MVB12B: variants seen among roughly 807,000 people sequenced by gnomAD.
The protein encoded by MVB12B is ESCRT-I complex subunit MVB12B.
Under a neutral mutation model 41.6 loss-of-function variants are expected in MVB12B, and 16 were observed. That is an observed-to-expected ratio of 0.38 (90% confidence interval 0.26 to 0.58). MVB12B has a LOEUF of 0.58. Ranked by LOEUF, MVB12B falls within the 20% of genes least tolerant of loss-of-function variation. The pLI, the probability that MVB12B is intolerant of heterozygous loss-of-function variation, is 0.62. For missense variants in MVB12B, 274 were observed against 380.2 expected, an observed-to-expected ratio of 0.72 and a Z score of 2.32; for synonymous variants, 133 against 139.7, an observed-to-expected ratio of 0.95 and a Z score of 0.34.
chr9:126,377,419 G>A (rs917196321), intron 2 of MVB12B, among the ~76,000 whole-genome samples: 1 of 152,204 alleles, frequency 6.6e-6, no homozygotes, highest in Non-Finnish European at 1.5e-5. Flanking sequence ...AGAGTAGGTG[G>A]CCTCAGTGCT....
intron 2 of MVB12B, among the ~76,000 whole-genome samples, chr9:126,346,516 T>G (rs948873151): frequency 5.3e-5 from 8 of 151,958 alleles, no homozygotes; most frequent in African/African-American, 1.7e-4. Flanking sequence ...TTGGGTCAGT[T>G]TTGAACACCT....
At chr9:126,460,109 G>C (rs912757331) in intron 7 of MVB12B, among the ~76,000 whole-genome samples, 2 of 152,152 alleles carry the variant, frequency 1.3e-5, no homozygotes, top group South Asian at 2.1e-4. Flanking sequence ...TCAGTTGACT[G>C]TGTGCTCCCT....
intron 4 of MVB12B, among the ~76,000 whole-genome samples, chr9:126,390,629 A>G (rs1321301300): frequency 1.3e-5 from 2 of 152,246 alleles, no homozygotes; most frequent in Non-Finnish European, 2.9e-5. Flanking sequence ...TTGATGAAGG[A>G]AAGTTATTTT....
chr9:126,464,940 G>T (rs1833167960), intron 7 of MVB12B, among the ~76,000 whole-genome samples: 1 of 152,186 alleles, frequency 6.6e-6, no homozygotes, highest in African/African-American at 2.4e-5. Context: ...GGCGTGCTTT[G>T]CTTCCCTTAG....
chr9:126,350,038 G>A (rs561835233), intron 2 of MVB12B, among the ~76,000 whole-genome samples: 38 of 152,292 alleles, frequency 2.5e-4, no homozygotes, highest in Admixed American at 9.2e-4. Context: ...ATTCTGACAC[G>A]TGCATAGTGA....
intron 2 of MVB12B, among the ~76,000 whole-genome samples, chr9:126,373,115 G>A (rs11788924): frequency 0.17 from 26,241 of 152,058 alleles, 2,372 homozygotes; most frequent in Middle Eastern, 0.22. Context: ...TCAGGGAACA[G>A]GTTTATGTTT....
chr9:126,338,503 C>T (rs910734907), intron 1 of MVB12B, among the ~76,000 whole-genome samples: 1 of 151,858 alleles, frequency 6.6e-6, no homozygotes, highest in African/African-American at 2.4e-5. Flanking sequence ...TGCTTACCCC[C>T]ACTTCTCTCT....
intron 3 of MVB12B, among the ~76,000 whole-genome samples, chr9:126,383,565 A>G (rs887162417): frequency 2.6e-5 from 4 of 152,236 alleles, no homozygotes; most frequent in African/African-American, 9.6e-5. Flanking sequence ...ACTAGCAAAT[A>G]CTGGCTACCA....
At chr9:126,502,864 G>A (rs774940849) in intron 9 of MVB12B, among the ~76,000 whole-genome samples, 15 of 152,304 alleles carry the variant, frequency 9.8e-5, no homozygotes, top group East Asian at 3.9e-4. Flanking sequence ...GCAGATGGGC[G>A]GCACCGTGGT....
chr9:126,493,126 CTGTT>C (rs934048968), intron 9 of MVB12B, among the ~76,000 whole-genome samples: 5 of 152,122 alleles, frequency 3.3e-5, no homozygotes, highest in Non-Finnish European at 7.4e-5. Context: ...GCAATTTTCT[CTGTT>C]TATTTGGGCT....
chr9:126,357,533 T>C (rs1239462244), intron 2 of MVB12B, among the ~76,000 whole-genome samples: 1 of 152,212 alleles, frequency 6.6e-6, no homozygotes, highest in Non-Finnish European at 1.5e-5. Flanking sequence ...TCTTTTAATC[T>C]TAACCATTCT....
chr9:126,461,318 C>G (rs997319473), intron 7 of MVB12B, among the ~76,000 whole-genome samples: 2 of 152,034 alleles, frequency 1.3e-5, no homozygotes, highest in African/African-American at 4.8e-5. Flanking sequence ...GAGGAGCTTG[C>G]GTAGATTCCC....
At position 126,503,383 on chromosome 9, in the gene MVB12B, G is replaced by A; in HGVS notation, c.*120G>A. Reference sequence around the variant, plus strand: ...CTCCCTCCCACACTGCCCCAGCAGGGCTGGCCCGGAGACTGGGCAGCTAAG... The same window carrying A: ...CTCCCTCCCACACTGCCCCAGCAGGACTGGCCCGGAGACTGGGCAGCTAAG... On this transcript the variant is annotated 3_prime_UTR_variant, in exon 10 of 10. Coordinates refer to ENST00000361171, the MANE Select transcript of MVB12B (RefSeq NM_033446.3). 1.2e-6 allele frequency: 1 copy of A among 817,144 alleles called. No individual in the cohort carries two copies. The highest frequency in any genetic ancestry group is 1.9e-6 in the Non-Finnish European group (1 of 524,068). 50.6% of individuals were successfully genotyped at this position (817,144 alleles called of 1,614,324 possible).
In MVB12B at chr9:126,505,680, ATATGTG is replaced by A. The variant is rs1834054286; in HGVS notation, c.*2419_*2424del. 3.0e-5 allele frequency: 3 copies of A among 99,242 alleles called. No individual in the cohort carries two copies. The highest frequency in any genetic ancestry group is 2.7e-4 in the South Asian group (1 of 3,656). The allele number at this position is 99,242 out of a possible 1,614,324, so 6.1% of individuals were successfully genotyped here. ...TGTGTGTGTGTGTGTGTGTGTGTGT[ATATGTG>A]TGTGTGTGCACGCACATGCGTGTGT... On this transcript the variant is annotated 3_prime_UTR_variant, in exon 10 of 10. Transcript: ENST00000361171.
chr9:126,503,338 T>C lies in MVB12B; in HGVS notation c.*75T>C, dbSNP rs573769717. The C allele has an allele frequency of 2.5e-6, 3 of 1,212,956 alleles. No homozygotes were observed. The highest frequency in any genetic ancestry group is 2.3e-6 in the Non-Finnish European group (2 of 859,084). The allele number at this position is 1,212,956 out of a possible 1,614,324, so 75.1% of individuals were successfully genotyped here. ...GGCAGGGGCTGCTGCCCCCGCCTCCTCCTGCCGCCTCCGCCAGCCCTCCCT... is the reference window on the plus strand; with the variant it reads ...GGCAGGGGCTGCTGCCCCCGCCTCCCCCTGCCGCCTCCGCCAGCCCTCCCT... On this transcript the variant is annotated 3_prime_UTR_variant, in exon 10 of 10. Coordinates refer to ENST00000361171, the MANE Select transcript of MVB12B (RefSeq NM_033446.3).
chr9:126,449,346 C>T lies in MVB12B; in HGVS notation c.757+27398C>T, dbSNP rs540701623. Among the ~76,000 whole-genome samples, 8 of 152,324 alleles carry T rather than the reference C, an allele frequency of 5.3e-5. No homozygotes were observed. In the South Asian group the frequency reaches 1.7e-3, roughly 32 times the overall value. On this transcript the variant is annotated intron_variant, in intron 7 of 9. Transcript: ENST00000361171. ...CAAGCACGTATTGCAGTCCACAGAA[C>T]CATCCTGGCAGATGGCAACGGCTGT...
At chr9:126,332,319 C>G (rs1316088114) in intron 1 of MVB12B, among the ~76,000 whole-genome samples, 1 of 152,164 alleles carries the variant, frequency 6.6e-6, no homozygotes, top group Non-Finnish European at 1.5e-5. Context: ...GCTCTATCAC[C>G]CAGCACTGTG....
In MVB12B at chr9:126,333,512, C is replaced by T. The variant is rs1310534406; in HGVS notation, c.81+6502C>T. Among the ~76,000 whole-genome samples, 1 of 152,218 alleles carries T rather than the reference C, an allele frequency of 6.6e-6. No homozygotes were observed. Among genetic ancestry groups the T allele is most frequent in the Admixed American group, 6.5e-5 (1 of 15,284 alleles). Reference sequence around the variant, plus strand: ...CTCCACCTCCTGGGTTTAAGCGATTCTTGTGCCTCACCCTCTCGAGTAGCT... The same window carrying T: ...CTCCACCTCCTGGGTTTAAGCGATTTTTGTGCCTCACCCTCTCGAGTAGCT... On this transcript the variant is annotated intron_variant, in intron 1 of 9. Coordinates refer to ENST00000361171, the MANE Select transcript of MVB12B (RefSeq NM_033446.3). This position sits in a 1 kb window ranked among gnomAD's most constrained non-coding sequence, Gnocchi z 4.7.
At chr9:126,470,646 C>CTGTGTGTGTGTGTGTGTG (rs143928729) in intron 7 of MVB12B, among the ~76,000 whole-genome samples, 32 of 143,510 alleles carry the variant, frequency 2.2e-4, no homozygotes, top group African/African-American at 8.1e-4. Flanking sequence ...AGTCAGTGCT[C>CTGTGTGTGTGTGTGTGTG]TGTGTGTGTG....
Sources: allele counts gnomAD v4.1 joint callset (sites outside exome capture counted in the v4.1 genomes callset), GRCh38; gene constraint gnomAD v4.1.1; non-coding constraint Gnocchi (gnomAD v3.1); transcripts MANE v1.5; gene names NCBI Gene and HGNC (gene_info 2026-07-23, HGNC 2026-07-21).